PPARA: variants seen among roughly 807,000 people sequenced by gnomAD.
PPARA encodes peroxisome proliferator activated receptor alpha.
Under a neutral mutation model 42.2 loss-of-function variants are expected in PPARA, and 22 were observed. That is an observed-to-expected ratio of 0.52 (90% CI 0.37 to 0.74). PPARA has a LOEUF of 0.74. Among genes scored for constraint, PPARA ranks in the 30% least tolerant of loss-of-function variants. The pLI is 0.00. For synonymous variants in PPARA, 242 were observed against 239.3 expected (o/e 1.01, Z -0.10); for missense variants, 465 against 608.2 (o/e 0.76, Z 2.48).
At position 46,231,652 on chromosome 22, in the gene PPARA, C is replaced by A; in HGVS notation, c.712-140C>A. The A allele has an allele frequency of 1.2e-6, 1 of 830,544 alleles. No individual in the cohort carries two copies. Among genetic ancestry groups the A allele is most frequent in the Non-Finnish European group, 2.0e-6 (1 of 496,746 alleles). The allele number at this position is 830,544 out of a possible 1,614,324, so 51.4% of individuals were successfully genotyped here. ...AACCGATTTTGAAGTTGAGTAAGGA[C>A]TATGTTCCGCGGGTATCTTGAGTCC... is the stretch of plus-strand genomic sequence containing the variant. On this transcript the variant is annotated intron_variant, in intron 7 of 8. Coordinates refer to ENST00000407236, the MANE Select transcript of PPARA (RefSeq NM_005036.6). This position sits in a 1 kb window ranked among gnomAD's most constrained non-coding sequence, Gnocchi z 7.7.
intron 2 of PPARA, chr22:46,164,935 G>C (rs531773343): frequency 6.6e-6 from 1 of 152,138 alleles, no homozygotes; most frequent in South Asian, 2.1e-4. Context: ...ATAATAAGAC[G>C]AGTAGCTATT....
chr22:46,218,410 G>C lies in PPARA; in HGVS notation c.508+9G>C. The C allele has an allele frequency of 6.2e-7, 1 of 1,614,102 alleles. No individual in the cohort carries two copies. Among genetic ancestry groups the C allele is most frequent in the South Asian group, 1.1e-5 (1 of 91,078 alleles). ...CGGGATGTCACACAACGGTAGGTAA[G>C]GTGGCCCTGCACATTTTCCCAGTTC... On this transcript the variant is annotated intron_variant, in intron 6 of 8. Transcript: ENST00000407236.
chr22:46,201,577 C>T (rs374690605), intron 4 of PPARA, among the ~76,000 whole-genome samples: 2 of 152,248 alleles, frequency 1.3e-5, no homozygotes, highest in African/African-American at 4.8e-5. Context: ...GCAGTGAACC[C>T]GGGTTAATGG....
Position 46,160,852 on chromosome 22 carries a change from C to T in PPARA, c.-127+8882C>T, listed in dbSNP as rs1033583300. ...GCTCAAGTGATCTGTCCGCCTTGGC[C>T]TCCCAAAGTGTTGGGATTACAGGTG... On this transcript the variant is annotated intron_variant, in intron 2 of 8. Coordinates refer to ENST00000407236, the MANE Select transcript of PPARA (RefSeq NM_005036.6). The surrounding 1 kb of genome is among the most constrained non-coding windows in gnomAD (Gnocchi z 4.5). Among the ~76,000 whole-genome samples, 1 of 152,208 alleles carries T rather than the reference C, an allele frequency of 6.6e-6. No homozygotes were observed. Among genetic ancestry groups the T allele is most frequent in the Non-Finnish European group, 1.5e-5 (1 of 68,044 alleles).
intron 3 of PPARA, among the ~76,000 whole-genome samples, chr22:46,197,452 C>T (rs961136776): frequency 2.6e-5 from 4 of 152,182 alleles, no homozygotes; most frequent in Admixed American, 6.5e-5. Flanking sequence ...TTCCTGGCCC[C>T]GTGGGCTATG....
chr22:46,219,029 G>C lies in PPARA; in HGVS notation c.508+628G>C, dbSNP rs138568461. ...ATACAAAAATTAGCTGGGCATGGTA[G>C]TGCACACCTGTAATCCCAGCTACTT... On this transcript the variant is annotated intron_variant, in intron 6 of 8. Transcript: ENST00000407236. This position sits in a 1 kb window ranked among gnomAD's most constrained non-coding sequence, Gnocchi z 4.8. Among the ~76,000 whole-genome samples, 361 of 150,458 alleles carry C rather than the reference G, an allele frequency of 2.4e-3. 1 individual carries two copies. Among genetic ancestry groups the C allele is most frequent in the Non-Finnish European group, 3.2e-3 (218 of 67,702 alleles).
intron 2 of PPARA, among the ~76,000 whole-genome samples, chr22:46,170,510 A>G (rs887989880): frequency 6.7e-6 from 1 of 149,238 alleles, no homozygotes; most frequent in African/African-American, 2.5e-5. Flanking sequence ...CAGCCTCCCA[A>G]AGTGCTGGGA....
In PPARA at chr22:46,227,786, G is replaced by A. The variant is rs568225885; in HGVS notation, c.712-4006G>A. On this transcript the variant is annotated intron_variant, in intron 7 of 8. Transcript: ENST00000407236. The surrounding 1 kb of genome is among the most constrained non-coding windows in gnomAD (Gnocchi z 4.3). ...CATTTATTTGAAATGACTGCCTGTC[G>A]TGTCAGATATATTCATAGTCAAGCT... Among the ~76,000 whole-genome samples, 7 of 152,282 alleles carry A rather than the reference G, an allele frequency of 4.6e-5. No homozygotes were observed. Among genetic ancestry groups the A allele is most frequent in the Non-Finnish European group, 7.4e-5 (5 of 68,024 alleles).
At chr22:46,217,610 T>A (rs935475277) in intron 5 of PPARA, among the ~76,000 whole-genome samples, 1 of 152,130 alleles carries the variant, frequency 6.6e-6, no homozygotes, top group African/African-American at 2.4e-5. Context: ...AATGTCACAA[T>A]GCTGGGGATA....
At chr22:46,172,367 G>C (rs1055141868) in intron 2 of PPARA, among the ~76,000 whole-genome samples, 1 of 149,908 alleles carries the variant, frequency 6.7e-6, no homozygotes, top group Non-Finnish European at 1.5e-5. Flanking sequence ...AGTGGCTCAC[G>C]CCTGTAATCC....
chr22:46,229,834 G>A (rs1022050829), intron 7 of PPARA, among the ~76,000 whole-genome samples: 1 of 152,108 alleles, frequency 6.6e-6, no homozygotes, highest in Non-Finnish European at 1.5e-5. Flanking sequence ...AGGGCTTTTT[G>A]TCCAGCATTA....
rs4253643 is a variant in PPARA, at chr22:46,167,945, C to T, written c.-126-8808C>T. Among the ~76,000 whole-genome samples the T allele has an allele frequency of 0.024, 3,641 of 151,540 alleles. 144 individuals are homozygous for T. Among genetic ancestry groups the T allele is most frequent in the African/African-American group, 0.077 (3,197 of 41,306 alleles). On this transcript the variant is annotated intron_variant, in intron 2 of 8. Transcript: ENST00000407236. This position sits in a 1 kb window ranked among gnomAD's most constrained non-coding sequence, Gnocchi z 4.1. ...ACATGTCTGTAGTCCTAGCTACTCA[C>T]GAAGCTGAGGCAGGAGGATCACTTG...
rs765770256 is a variant in PPARA, at chr22:46,235,237, C to G, written c.1264C>G (p.Leu422Val). Residue 422 changes from leucine (L) to valine (V), a missense_variant, in exon 9 of 9, where the codon CTC becomes GTC. Physicochemically the swap from Leu to Val is conservative, Grantham distance 32. Coordinates refer to ENST00000407236, the MANE Select transcript of PPARA (RefSeq NM_005036.6). This position sits in a 1 kb window ranked among gnomAD's most constrained non-coding sequence, Gnocchi z 7.0. ...LQSNHPDDIF[L>V]FPKLLQKMAD... ...GAGCAACCACCCGGACGATATCTTT[C>G]TCTTCCCAAAACTTCTTCAAAAAAT... The G allele has an allele frequency of 1.2e-6, 2 of 1,614,000 alleles. No individual in the cohort carries two copies. Among genetic ancestry groups the G allele is most frequent in the Non-Finnish European group, 8.5e-7 (1 of 1,180,046 alleles).
At position 46,150,734 on chromosome 22, in the gene PPARA, G is replaced by A. The variant is rs1239103744; in HGVS notation, c.-210+82G>A. 1.3e-5 allele frequency: 2 copies of A among 150,370 alleles called. No homozygotes were observed. Among genetic ancestry groups the A allele is most frequent in the African/African-American group, 4.9e-5 (2 of 41,204 alleles). 9.3% of individuals were successfully genotyped at this position (150,370 alleles called of 1,614,324 possible). ...GGCTTCCCAGGTCCCGGGACCCGGA[G>A]GGCGGCGGACGGGGGAGGGGCAGGG... On this transcript the variant is annotated intron_variant, in intron 1 of 8. Coordinates refer to ENST00000407236, the MANE Select transcript of PPARA (RefSeq NM_005036.6). This position sits in a 1 kb window ranked among gnomAD's most constrained non-coding sequence, Gnocchi z 7.5.
chr22:46,181,786 A>C (rs1930014542), intron 3 of PPARA, among the ~76,000 whole-genome samples: 1 of 152,178 alleles, frequency 6.6e-6, no homozygotes, highest in Non-Finnish European at 1.5e-5. Flanking sequence ...CATGCCCCAA[A>C]TGGTTACAGC....
rs776667272 is a variant in PPARA at position 46,184,974 on chromosome 22, A to G, written c.-43+8138A>G. Among the ~76,000 whole-genome samples, 1 of 152,198 alleles carries G rather than the reference A, an allele frequency of 6.6e-6. No individual in the cohort carries two copies. The highest frequency in any genetic ancestry group is 1.5e-5 in the Non-Finnish European group (1 of 68,038). On this transcript the variant is annotated intron_variant, in intron 3 of 8. Transcript: ENST00000407236. This position sits in a 1 kb window ranked among gnomAD's most constrained non-coding sequence, Gnocchi z 4.4. ...GTCTGGAATTTCCCAGTGAGTGACC[A>G]TCTGTGTGTGTGTATTCATCCATTC... is the stretch of plus-strand genomic sequence containing the variant.
At chr22:46,218,749 G>T (rs1414184428) in intron 6 of PPARA, among the ~76,000 whole-genome samples, 9 of 151,560 alleles carry the variant, frequency 5.9e-5, no homozygotes, top group Admixed American at 5.3e-4. Context: ...CAGAAGAATC[G>T]CTTGAACCCG....
intron 3 of PPARA, among the ~76,000 whole-genome samples, chr22:46,189,503 A>G (rs1363098746): frequency 6.6e-6 from 1 of 152,210 alleles, no homozygotes; most frequent in East Asian, 1.9e-4. Flanking sequence ...ATCTAGATGT[A>G]TCTAGTTAAA....
intron 4 of PPARA, among the ~76,000 whole-genome samples, chr22:46,199,832 C>T (rs572091457): frequency 1.1e-4 from 16 of 152,280 alleles, no homozygotes; most frequent in African/African-American, 3.8e-4. Context: ...AAGCAGTTCT[C>T]CTGCCTCAGC....
Sources: gnomAD v4.1 joint callset for allele counts (sites outside exome capture counted in the v4.1 genomes callset) on GRCh38, gnomAD v4.1.1 for gene constraint, Gnocchi (gnomAD v3.1) non-coding constraint, MANE v1.5 for transcripts, NCBI Gene and HGNC (gene_info 2026-07-23, HGNC 2026-07-21) for gene names.